Variants in RANBP2 observed in about 807,000 individuals in gnomAD.
RANBP2 encodes the protein RAN binding protein 2.
In RANBP2, 57 loss-of-function variants were observed where a neutral mutation model predicts 303.6. The ratio of observed to expected loss-of-function variants is 0.19; its 90% CI spans 0.15 to 0.23. The LOEUF (loss-of-function observed/expected upper bound fraction) is 0.23. Ranked by LOEUF, RANBP2 falls within the 10% of genes least tolerant of loss-of-function variation. The probability of loss-of-function intolerance (pLI) is 1.00; values close to 1 mark genes in which losing one functional copy is unlikely to be tolerated. For missense variants in RANBP2, 3,138 were observed against 3,780.8 expected, an observed-to-expected ratio of 0.83 and a Z score of 4.46; for synonymous variants, 1,167 against 1,301.5, an observed-to-expected ratio of 0.90 and a Z score of 2.23.
the RANBP2 span, chr2:109,504,587 C>G: frequency 3.3e-5 from 5 of 152,244 alleles, no homozygotes; most frequent in Non-Finnish European, 7.3e-5. Context: ...GATGACAAAC[C>G]ATGATGCCTG....
At chr2:108,871,667 A>G in the RANBP2 span, among the ~76,000 whole-genome samples, 14 of 152,328 alleles carry the variant, frequency 9.2e-5, no homozygotes, top group Middle Eastern at 6.8e-3. Context: ...CATTTTAACC[A>G]TTTTTTAATT....
chr2:108,741,039 A>G (rs1443092397), intron 7 of RANBP2, among the ~76,000 whole-genome samples: 2 of 152,184 alleles, frequency 1.3e-5, no homozygotes, highest in Non-Finnish European at 2.9e-5. Flanking sequence ...AAATCTTAAT[A>G]AGTAGATGTA....
chr2:109,228,379 C>T, the RANBP2 span, among the ~76,000 whole-genome samples: 17 of 152,270 alleles, frequency 1.1e-4, no homozygotes, highest in African/African-American at 3.9e-4. Context: ...CCACATGTCA[C>T]CCTGTAGAGG....
the RANBP2 span, among the ~76,000 whole-genome samples, chr2:108,871,003 A>C: frequency 6.6e-6 from 1 of 152,200 alleles, no homozygotes; most frequent in Admixed American, 6.5e-5. Flanking sequence ...GAATATAAAT[A>C]AACTTCTAGA....
chr2:109,287,417 T>A, the RANBP2 span, among the ~76,000 whole-genome samples: 1 of 152,132 alleles, frequency 6.6e-6, no homozygotes, highest in African/African-American at 2.4e-5. Context: ...CAGTGACATA[T>A]AAAATCTTTT....
downstream of RANBP2, among the ~76,000 whole-genome samples, chr2:108,789,624 C>A (rs751879082): frequency 5.2e-4 from 79 of 152,062 alleles, 1 homozygote; most frequent in Non-Finnish European, 6.0e-4. Context: ...AAAAAAACTG[C>A]CATACAGGTT....
At chr2:109,327,088 T>C in the RANBP2 span, among the ~76,000 whole-genome samples, 1 of 152,388 alleles carries the variant, frequency 6.6e-6, no homozygotes, top group South Asian at 2.1e-4. Flanking sequence ...GTTGTTCCAC[T>C]GAACATTTAT....
At chr2:109,633,047 A>G in the RANBP2 span, among the ~76,000 whole-genome samples, 1 of 152,158 alleles carries the variant, frequency 6.6e-6, no homozygotes, top group African/African-American at 2.4e-5. Flanking sequence ...AATAGAAGGC[A>G]CATCCACTGG....
At chr2:109,261,630 T>C in the RANBP2 span, among the ~76,000 whole-genome samples, 2 of 152,194 alleles carry the variant, frequency 1.3e-5, no homozygotes, top group South Asian at 4.1e-4. Flanking sequence ...TCAGTGTTCA[T>C]TGAGACTCTG....
chr2:108,780,910 T>C (rs1417026410), intron 25 of RANBP2, among the ~76,000 whole-genome samples: 1 of 152,116 alleles, frequency 6.6e-6, no homozygotes, highest in Non-Finnish European at 1.5e-5. Context: ...GGTTTCTCCA[T>C]GTTGGTCAGG....
the RANBP2 span, among the ~76,000 whole-genome samples, chr2:109,249,510 A>C: frequency 8.9e-5 from 11 of 123,240 alleles, no homozygotes; most frequent in African/African-American, 2.3e-4. Flanking sequence ...TCTTTCTTTC[A>C]TTCTTTCTTT....
At chr2:108,971,637 C>T in the RANBP2 span, among the ~76,000 whole-genome samples, 1 of 152,140 alleles carries the variant, frequency 6.6e-6, no homozygotes, top group Non-Finnish European at 1.5e-5. Flanking sequence ...GATCAGCTCT[C>T]TCATTTTATG....
chr2:109,206,356 T>A, the RANBP2 span, among the ~76,000 whole-genome samples: 4 of 151,736 alleles, frequency 2.6e-5, no homozygotes, highest in South Asian at 8.4e-4. Flanking sequence ...CCGGGCTTGG[T>A]GGAGGGCACC....
At chr2:108,893,508 A>G in the RANBP2 span, among the ~76,000 whole-genome samples, 1 of 152,192 alleles carries the variant, frequency 6.6e-6, no homozygotes, top group African/African-American at 2.4e-5. Flanking sequence ...GGGATGACTC[A>G]CTGGGGATGC....
chr2:108,865,198 C>T, the RANBP2 span, among the ~76,000 whole-genome samples: 1 of 152,036 alleles, frequency 6.6e-6, no homozygotes, highest in Non-Finnish European at 1.5e-5. Flanking sequence ...TATATAAATG[C>T]ATAATTTCTT....
the RANBP2 span, among the ~76,000 whole-genome samples, chr2:109,628,253 G>A: frequency 6.6e-6 from 1 of 152,122 alleles, no homozygotes; most frequent in East Asian, 1.9e-4. Context: ...CAGCACTTTG[G>A]GAGGCTAAAG....
the RANBP2 span, among the ~76,000 whole-genome samples, chr2:109,473,623 G>A: frequency 2.6e-5 from 4 of 152,274 alleles, no homozygotes; most frequent in African/African-American, 9.6e-5. Context: ...GCACAAACAA[G>A]GTTCAAGGGG....
the RANBP2 span, chr2:108,794,777 G>A: frequency 7.5e-7 from 1 of 1,333,014 alleles, no homozygotes; most frequent in Non-Finnish European, 1.0e-6. Flanking sequence ...TAAGAACCAA[G>A]CATTTACGAA....
At chr2:108,851,797 C>T in the RANBP2 span, among the ~76,000 whole-genome samples, 1 of 152,198 alleles carries the variant, frequency 6.6e-6, no homozygotes, top group African/African-American at 2.4e-5. Flanking sequence ...ACACACCCAA[C>T]ATCATAACAA....
Sources: gnomAD v4.1 joint callset for allele counts (sites outside exome capture counted in the v4.1 genomes callset) on GRCh38, gnomAD v4.1.1 for gene constraint, MANE v1.5 for transcripts, NCBI Gene and HGNC (gene_info 2026-07-23, HGNC 2026-07-21) for gene names.